The following DHRS4 variants were observed in gnomAD, a reference collection of about 807,000 sequenced individuals.
DHRS4 encodes dehydrogenase/reductase 4.
Under a neutral mutation model 28.4 loss-of-function variants are expected in DHRS4, and 20 were observed. That is an observed-to-expected ratio of 0.71 (90% CI 0.50 to 1.02). The LOEUF is 1.02. Among genes scored for constraint, DHRS4 ranks in the 50% least tolerant of loss-of-function variants. The pLI, the probability that DHRS4 is intolerant of heterozygous loss-of-function variation, is 0.00. For synonymous variants in DHRS4, 144 were observed against 146.4 expected (o/e 0.98, Z 0.12); for missense variants, 378 against 367.2 (o/e 1.03, Z -0.24).
At position 23,966,064 on chromosome 14, in the gene DHRS4, G is replaced by A; in HGVS notation, c.531+81G>A. The A allele has an allele frequency of 6.2e-6, 10 of 1,606,496 alleles. 1 individual carries two copies. The highest frequency in any genetic ancestry group is 8.5e-6 in the Non-Finnish European group (10 of 1,174,474). On this transcript the variant is annotated intron_variant, in intron 5 of 7. Coordinates refer to ENST00000313250, the MANE Select transcript of DHRS4 (RefSeq NM_021004.4). The stretch of plus-strand genomic sequence containing the variant: ...CCCCTCCTATTACCCAAGGAAGTTT[G>A]TGTCCCCTTGTAGAATCACACCACC...
chr14:23,966,284 G>T lies in DHRS4; in HGVS notation c.533G>T (p.Gly178Val). The T allele has an allele frequency of 6.2e-7, 1 of 1,612,650 alleles. No homozygotes were observed. The highest frequency in any genetic ancestry group is 8.5e-7 in the Non-Finnish European group (1 of 1,179,518). Residue 178 changes from glycine to valine, a missense_variant and splice_region_variant, in exon 6 of 8, where the codon GGC becomes GTC. Physicochemically the swap from Gly to Val is moderately radical, Grantham distance 109. Coordinates refer to ENST00000313250, the MANE Select transcript of DHRS4 (RefSeq NM_021004.4). The part of the protein sequence containing the change: ...SSIAAFSPSP[G>V]FSPYNVSKTA... ...TAACACATTCTCTTCTTTCTCCAGG[G>T]CTTCAGTCCTTACAATGTCAGTAAA...
At chr14:23,964,091 G>C (rs1444418125) in intron 3 of DHRS4, among the ~76,000 whole-genome samples, 2 of 150,576 alleles carry the variant, frequency 1.3e-5, no homozygotes, top group Non-Finnish European at 2.9e-5. Flanking sequence ...CACCGTAACA[G>C]ATACAATAAT....
In DHRS4 at chr14:23,966,319, C is replaced by T. The variant is rs1343328645; in HGVS notation, c.568C>T (p.Leu190=). The part of the protein sequence containing the change: ...SPYNVSKTAL[L]GLTKTLAIEL... ...TTACAATGTCAGTAAAACAGCCTTG[C>T]TGGGCCTGACCAAGACCCTGGCCAT... The change falls in exon 6 of 8, where the codon CTG becomes TTG. Residue 190 remains leucine, a synonymous_variant. Coordinates refer to ENST00000313250, the MANE Select transcript of DHRS4 (RefSeq NM_021004.4). The T allele has an allele frequency of 6.2e-7, 1 of 1,613,936 alleles. No homozygotes were observed.
intron 5 of DHRS4, 50 bp from the exon 6 acceptor site, chr14:23,966,233 C>A: frequency 1.3e-6 from 2 of 1,585,254 alleles, no homozygotes; most frequent in Non-Finnish European, 8.6e-7. Context: ...TTATTAGAAC[C>A]AAGAATGACC....
chr14:23,957,627 G>C (rs984308790), intron 2 of DHRS4, among the ~76,000 whole-genome samples: 1 of 149,648 alleles, frequency 6.7e-6, no homozygotes, highest in Non-Finnish European at 1.5e-5. Flanking sequence ...CATGATCATA[G>C]CTCACTGTAA....
At chr14:23,959,336 T>C (rs6573487) in intron 2 of DHRS4, among the ~76,000 whole-genome samples, 30,693 of 151,968 alleles carry the variant, frequency 0.2, 7,648 homozygotes, top group African/African-American at 0.6. Flanking sequence ...GGCAGGTGGA[T>C]GGCTTGAGCC....
intron 6 of DHRS4, among the ~76,000 whole-genome samples, chr14:23,966,908 C>A (rs1406997184): frequency 6.6e-6 from 1 of 152,270 alleles, no homozygotes; most frequent in Non-Finnish European, 1.5e-5. Context: ...GTAATCCCAG[C>A]ACATTGGGAG....
intron 1 of DHRS4, 189 bp downstream of exon 1, chr14:23,954,105 A>T: frequency 3.4e-6 from 3 of 877,150 alleles, no homozygotes; most frequent in Non-Finnish European, 5.1e-6. Flanking sequence ...CTCCCTTGCC[A>T]GCCCTCCTGT....
intron 7 of DHRS4, among the ~76,000 whole-genome samples, chr14:23,968,459 C>T (rs1472021575): frequency 6.7e-6 from 1 of 150,128 alleles, no homozygotes; most frequent in Non-Finnish European, 1.5e-5. Flanking sequence ...GAAATAATTG[C>T]TCACCATTTT....
chr14:23,955,062 G>A lies in DHRS4; in HGVS notation c.156G>A (p.Leu52=). ...DGIGFAIARR[L]AQDGAHVVVS... ...TCGGCTTCGCCATCGCCCGGCGTTT[G>A]GCCCAGGACGGGGCCCATGTGGTCG... Residue 52 remains leucine, a synonymous_variant, in exon 2 of 8, where the codon TTG becomes TTA. Coordinates refer to ENST00000313250, the MANE Select transcript of DHRS4 (RefSeq NM_021004.4). The A allele has an allele frequency of 6.2e-7, 1 of 1,614,194 alleles. No homozygotes were observed. The highest frequency in any genetic ancestry group is 8.5e-7 in the Non-Finnish European group (1 of 1,180,006).
At chr14:23,966,812 T>G (rs1292040634) in intron 6 of DHRS4, among the ~76,000 whole-genome samples, 9 of 152,394 alleles carry the variant, frequency 5.9e-5, no homozygotes, top group Non-Finnish European at 1.2e-4. Flanking sequence ...TCAGTTACCA[T>G]GAGGATGGGC....
At chr14:23,961,172 G>A (rs1317743515) in intron 3 of DHRS4, among the ~76,000 whole-genome samples, 1 of 150,740 alleles carries the variant, frequency 6.6e-6, no homozygotes, top group Non-Finnish European at 1.5e-5. Context: ...TATATCAGAT[G>A]TCATCAAAAT....
Position 23,967,197 on chromosome 14 carries a change from C to T in DHRS4, c.667-14C>T, listed in dbSNP as rs747882840. On this transcript the variant is annotated splice_polypyrimidine_tract_variant and intron_variant, in intron 6 of 7. Coordinates refer to ENST00000313250, the MANE Select transcript of DHRS4 (RefSeq NM_021004.4). Reference sequence around the variant, plus strand: ...GAAAAAAAAAACATAAAGAGATTTCCCTTCTTCCTGCAGCTCTGGATGGAC... The same window carrying T: ...GAAAAAAAAAACATAAAGAGATTTCTCTTCTTCCTGCAGCTCTGGATGGAC... 2.5e-6 allele frequency: 4 copies of T among 1,607,314 alleles called. No individual in the cohort carries two copies. In the Admixed American group the frequency reaches 5.1e-5, roughly 21 times the overall value.
intron 1 of DHRS4, 158 bp downstream of exon 1, chr14:23,954,074 C>A: frequency 8.3e-7 from 1 of 1,211,382 alleles, no homozygotes; most frequent in Non-Finnish European, 1.1e-6. Context: ...GAAGCCACTC[C>A]GAATCCCCTA....
At chr14:23,966,563 C>T (rs2033629065) in intron 6 of DHRS4, 146 bp downstream of exon 6, 3 of 1,349,862 alleles carry the variant, frequency 2.2e-6, no homozygotes, top group Admixed American at 4.9e-5. Flanking sequence ...TCTGTACCAC[C>T]TGCCCTATAC....
Position 23,959,938 on chromosome 14 carries a change from T to G in DHRS4, c.343T>G (p.Ser115Ala), listed in dbSNP as rs770706823. 3 of 1,610,134 alleles carry G rather than the reference T, an allele frequency of 1.9e-6. No individual in the cohort carries two copies. Among genetic ancestry groups the G allele is most frequent in the Non-Finnish European group, 2.5e-6 (3 of 1,179,834 alleles). Residue 115 changes from serine to alanine, a missense_variant, in exon 3 of 8, where the codon TCC (serine) becomes GCC (alanine). Coordinates refer to ENST00000313250, the MANE Select transcript of DHRS4 (RefSeq NM_021004.4). ...TCATGGAGGTATCGATATCCTAGTCTCCAATGCTGCTGTCAACCCTTTCTT... is the reference window on the plus strand; with the variant it reads ...TCATGGAGGTATCGATATCCTAGTCGCCAATGCTGCTGTCAACCCTTTCTT... ...KLHGGIDILV[S>A]NAAVNPFFGS...
intron 3 of DHRS4, 27 bp downstream of exon 3, chr14:23,960,030 C>CGGGGGGGGCGG: frequency 9.6e-7 from 1 of 1,036,754 alleles, no homozygotes; most frequent in Admixed American, 2.0e-5. Context: ...GCAGGGGGGC[C>CGGGGGGGGCGG]GGGGGGGGCG....
intron 3 of DHRS4, among the ~76,000 whole-genome samples, chr14:23,964,212 G>C (rs118005363): frequency 0.22 from 12,428 of 56,562 alleles, 1,100 homozygotes; most frequent in East Asian, 0.33. Flanking sequence ...CCACGAAACT[G>C]CAATTTGTAA....
chr14:23,956,386 G>T (rs1039308427), intron 2 of DHRS4, among the ~76,000 whole-genome samples: 23 of 152,198 alleles, frequency 1.5e-4, no homozygotes, highest in African/African-American at 5.5e-4. Context: ...CTGGCCCAGA[G>T]GTGGTACTTG....
Sources: gnomAD v4.1 joint callset for allele counts (sites outside exome capture counted in the v4.1 genomes callset) on GRCh38, gnomAD v4.1.1 for gene constraint, MANE v1.5 for transcripts, NCBI Gene and HGNC (gene_info 2026-07-23, HGNC 2026-07-21) for gene names.